LDB2: variants seen among roughly 807,000 people sequenced by gnomAD.
The protein encoded by LDB2 is LIM domain-binding protein 2.
LDB2 carries 12 observed loss-of-function variants against 44.3 expected under a neutral mutation model. The ratio of observed to expected loss-of-function variants is 0.27; its 90% confidence interval spans 0.17 to 0.44. The LOEUF (loss-of-function observed/expected upper bound fraction) is 0.44. Ranked by LOEUF, LDB2 falls within the 20% of genes least tolerant of loss-of-function variation. The pLI is 1.00. For synonymous variants in LDB2, 164 were observed against 174.8 expected (o/e 0.94, Z 0.49); for missense variants, 344 against 473.5 (o/e 0.73, Z 2.54).
intron 2 of LDB2, among the ~76,000 whole-genome samples, chr4:16,614,462 T>A (rs1036447213): frequency 2.0e-5 from 3 of 151,442 alleles, no homozygotes; most frequent in Non-Finnish European, 4.4e-5. Flanking sequence ...CAAAGGAAAC[T>A]ATCATCAAAC....
At chr4:16,613,249 C>A (rs1726181004) in intron 2 of LDB2, among the ~76,000 whole-genome samples, 1 of 152,098 alleles carries the variant, frequency 6.6e-6, no homozygotes, top group South Asian at 2.1e-4. Flanking sequence ...AACCTACAGC[C>A]AATATCATAT....
intron 2 of LDB2, among the ~76,000 whole-genome samples, chr4:16,705,684 C>T (rs932723751): frequency 1.3e-5 from 2 of 152,174 alleles, no homozygotes; most frequent in African/African-American, 4.8e-5. Context: ...AGCTGAGCAA[C>T]GTGCTAGTCC....
chr4:16,568,550 A>G (rs542123664), intron 5 of LDB2, among the ~76,000 whole-genome samples: 1 of 152,272 alleles, frequency 6.6e-6, no homozygotes, highest in South Asian at 2.1e-4. Flanking sequence ...ATTTTACAGA[A>G]GAGTAACTGT....
At chr4:16,877,018 G>A (rs1028462563) in intron 1 of LDB2, among the ~76,000 whole-genome samples, 9 of 151,566 alleles carry the variant, frequency 5.9e-5, no homozygotes, top group Admixed American at 4.6e-4. Context: ...AACAATCATC[G>A]AGTCTCAGAC....
At chr4:16,640,522 C>A (rs1734845132) in intron 2 of LDB2, among the ~76,000 whole-genome samples, 1 of 152,132 alleles carries the variant, frequency 6.6e-6, no homozygotes. Context: ...TTTCTCAGAT[C>A]CATGGGGTGA....
chr4:16,698,628 G>A (rs1479167590), intron 2 of LDB2, among the ~76,000 whole-genome samples: 4 of 151,564 alleles, frequency 2.6e-5, no homozygotes, highest in Admixed American at 6.6e-5. Context: ...TCTTTCTGTA[G>A]GTTCTTTGTA....
intron 2 of LDB2, among the ~76,000 whole-genome samples, chr4:16,747,279 T>A (rs1355931813): frequency 6.6e-6 from 1 of 152,102 alleles, no homozygotes; most frequent in Non-Finnish European, 1.5e-5. Flanking sequence ...TTTGGGCCCA[T>A]CTTTTAAAAA....
At chr4:16,685,744 G>A (rs1578769571) in intron 2 of LDB2, among the ~76,000 whole-genome samples, 1 of 152,090 alleles carries the variant, frequency 6.6e-6, no homozygotes, top group African/African-American at 2.4e-5. Context: ...CTACCAAGTG[G>A]TCACCAAAAC....
chr4:16,735,335 G>C (rs905879194), intron 2 of LDB2, among the ~76,000 whole-genome samples: 1 of 151,954 alleles, frequency 6.6e-6, no homozygotes, highest in Non-Finnish European at 1.5e-5. Flanking sequence ...CCTGGGGCAG[G>C]CTGCGTTCTC....
intron 2 of LDB2, among the ~76,000 whole-genome samples, chr4:16,704,075 T>C (rs11930466): frequency 0.083 from 12,629 of 152,120 alleles, 835 homozygotes; most frequent in East Asian, 0.4. Context: ...GGAATCTGCA[T>C]CTTGAGTAGA....
At chr4:16,892,484 G>A (rs1432765657) in intron 1 of LDB2, among the ~76,000 whole-genome samples, 1 of 152,146 alleles carries the variant, frequency 6.6e-6, no homozygotes, top group African/African-American at 2.4e-5. Context: ...AAATGACGAA[G>A]GTATTTGTAG....
At chr4:16,538,555 T>C (rs1732649141) in intron 5 of LDB2, among the ~76,000 whole-genome samples, 1 of 152,226 alleles carries the variant, frequency 6.6e-6, no homozygotes, top group Non-Finnish European at 1.5e-5. Context: ...CTGATGTTTA[T>C]TTCACTTGCT....
At chr4:16,823,435 C>T (rs1432412800) in intron 1 of LDB2, among the ~76,000 whole-genome samples, 1 of 152,232 alleles carries the variant, frequency 6.6e-6, no homozygotes, top group East Asian at 1.9e-4. Context: ...CATCCCTGGC[C>T]AGGTCTTAAA....
intron 2 of LDB2, among the ~76,000 whole-genome samples, chr4:16,608,867 T>C (rs1333627518): frequency 6.6e-6 from 1 of 152,172 alleles, no homozygotes; most frequent in African/African-American, 2.4e-5. Context: ...GGCTGCTCCA[T>C]TGCAGGTCAC....
intron 5 of LDB2, among the ~76,000 whole-genome samples, chr4:16,553,058 T>C (rs1441192810): frequency 6.6e-6 from 1 of 152,230 alleles, no homozygotes; most frequent in East Asian, 1.9e-4. Flanking sequence ...TGAGGAGCCA[T>C]GTCAAAGAAA....
intron 2 of LDB2, among the ~76,000 whole-genome samples, chr4:16,597,642 A>C (rs1197873288): frequency 6.6e-6 from 1 of 152,222 alleles, no homozygotes. Context: ...ATAAAAATGC[A>C]GATGTAGGCC....
chr4:16,897,954 A>ACACACATATG (rs1180547325), intron 1 of LDB2, among the ~76,000 whole-genome samples: 12 of 110,628 alleles, frequency 1.1e-4, no homozygotes, highest in Non-Finnish European at 1.7e-4. Context: ...ATGTATATAT[A>ACACACATATG]TATATATATA....
chr4:16,563,204 CTT>C (rs1249267867), intron 5 of LDB2, among the ~76,000 whole-genome samples: 1 of 151,374 alleles, frequency 6.6e-6, no homozygotes, highest in Non-Finnish European at 1.5e-5. Context: ...TACCCTAAAA[CTT>C]AAAGTATAAT....
intron 1 of LDB2, among the ~76,000 whole-genome samples, chr4:16,830,813 G>A (rs145796962): frequency 6.6e-6 from 1 of 152,280 alleles, no homozygotes; most frequent in African/African-American, 2.4e-5. Context: ...ATTTCATTTG[G>A]TTCATGAAAG....
Sources: gnomAD v4.1 joint callset for allele counts (sites outside exome capture counted in the v4.1 genomes callset) on GRCh38, gnomAD v4.1.1 for gene constraint, MANE v1.5 for transcripts, NCBI Gene and HGNC (gene_info 2026-07-23, HGNC 2026-07-21) for gene names.